The following GRM5 variants were observed in gnomAD, a reference collection of about 807,000 sequenced individuals.
The protein encoded by GRM5 is glutamate metabotropic receptor 5.
In GRM5, 19 loss-of-function variants were observed where a neutral mutation model predicts 83.1. That is an observed-to-expected ratio of 0.23 (90% CI 0.16 to 0.34). The LOEUF (loss-of-function observed/expected upper bound fraction) is 0.34. Among genes scored for constraint, GRM5 ranks in the 10% least tolerant of loss-of-function variants. GRM5 has a pLI of 1.00. For synonymous variants in GRM5, 675 were observed against 633.6 expected, an observed-to-expected ratio of 1.07 and a Z score of -0.98; for missense variants, 1,160 against 1,588.3, an observed-to-expected ratio of 0.73 and a Z score of 4.58.
chr11:88,685,812 G>A (rs1940608341), intron 3 of GRM5, among the ~76,000 whole-genome samples: 1 of 152,312 alleles, frequency 6.6e-6, no homozygotes, highest in Admixed American at 6.5e-5. Context: ...CAGAAGTCAA[G>A]AATTGGGGTT....
At chr11:88,777,937 G>A (rs1005527952) in intron 3 of GRM5, among the ~76,000 whole-genome samples, 1 of 152,316 alleles carries the variant, frequency 6.6e-6, no homozygotes, top group East Asian at 1.9e-4. Flanking sequence ...GAGGCAGTCT[G>A]TCCATTCTCA....
intron 4 of GRM5, 128 bp from the exon 5 acceptor site, chr11:88,605,092 T>A: frequency 1.4e-6 from 1 of 691,324 alleles, no homozygotes; most frequent in Admixed American, 2.4e-5. Flanking sequence ...GTTAGAACCA[T>A]GGGTAACACT....
chr11:88,768,088 TG>T (rs532182203), intron 3 of GRM5, among the ~76,000 whole-genome samples: 350 of 152,118 alleles, frequency 2.3e-3, no homozygotes, highest in African/African-American at 8.0e-3. Context: ...ATTTCACTTC[TG>T]GGTACATACC....
intron 3 of GRM5, among the ~76,000 whole-genome samples, chr11:88,750,246 G>A (rs1942240124): frequency 6.6e-6 from 1 of 151,928 alleles, no homozygotes; most frequent in South Asian, 2.1e-4. Flanking sequence ...GAGGAAAAGG[G>A]ATAGCAAGAA....
intron 2 of GRM5, among the ~76,000 whole-genome samples, chr11:89,034,630 T>G (rs1283145851): frequency 6.6e-6 from 1 of 151,872 alleles, no homozygotes; most frequent in Non-Finnish European, 1.5e-5. Context: ...ATTTGTAGAC[T>G]AATGAATAAA....
intron 8 of GRM5, among the ~76,000 whole-genome samples, chr11:88,535,524 G>A (rs1050139403): frequency 6.6e-6 from 1 of 152,178 alleles, no homozygotes; most frequent in African/African-American, 2.4e-5. Flanking sequence ...TTGAGCCATT[G>A]TGTCCTTTGA....
intron 2 of GRM5, among the ~76,000 whole-genome samples, chr11:88,873,068 C>T (rs1369794367): frequency 6.6e-6 from 1 of 151,536 alleles, no homozygotes; most frequent in Admixed American, 6.6e-5. Flanking sequence ...AGTAGCTATA[C>T]TTACATTAGG....
chr11:88,545,098 C>T (rs535416833), intron 8 of GRM5, among the ~76,000 whole-genome samples: 2 of 152,302 alleles, frequency 1.3e-5, no homozygotes, highest in African/African-American at 2.4e-5. Flanking sequence ...TCTATCTAAC[C>T]TGACTCATCT....
intron 2 of GRM5, among the ~76,000 whole-genome samples, chr11:88,920,229 A>C (rs1425428229): frequency 6.6e-6 from 1 of 152,008 alleles, no homozygotes; most frequent in African/African-American, 2.4e-5. Flanking sequence ...GATACCACAG[A>C]AATCCAAAGG....
intron 2 of GRM5, among the ~76,000 whole-genome samples, chr11:89,041,240 G>A (rs998063628): frequency 1.3e-5 from 2 of 152,200 alleles, no homozygotes; most frequent in African/African-American, 4.8e-5. Context: ...AACTGTGGAA[G>A]TGTCCACAAT....
rs138229979 is a variant in GRM5 at position 88,698,222 on chromosome 11, A to G, written c.912-44819T>C. Among the ~76,000 whole-genome samples, 6 of 152,232 alleles carry G rather than the reference A, an allele frequency of 3.9e-5. No homozygotes were observed. In the East Asian group the frequency reaches 1.2e-3, roughly 29 times the overall value. On this transcript the variant is annotated intron_variant, in intron 3 of 9. Coordinates refer to ENST00000305447, the MANE Select transcript of GRM5 (RefSeq NM_001143831.3). Reference sequence around the variant, plus strand: ...AGACAAAAGTCCTGAACATGACCCTATATGGTCGGGCCCTGCTTGTCCTGC... The same window carrying G: ...AGACAAAAGTCCTGAACATGACCCTGTATGGTCGGGCCCTGCTTGTCCTGC...
At chr11:88,879,459 C>A (rs1031799635) in intron 2 of GRM5, among the ~76,000 whole-genome samples, 1 of 151,340 alleles carries the variant, frequency 6.6e-6, no homozygotes, top group African/African-American at 2.4e-5. Context: ...TAAAAAATGG[C>A]AATGCTAGTA....
intron 3 of GRM5, among the ~76,000 whole-genome samples, chr11:88,675,658 G>T (rs1591432738): frequency 6.6e-6 from 1 of 152,128 alleles, no homozygotes; most frequent in South Asian, 2.1e-4. Context: ...AAAGTAGTGA[G>T]AGTAAGCTTT....
intron 3 of GRM5, among the ~76,000 whole-genome samples, chr11:88,847,412 G>A (rs926150727): frequency 2.6e-5 from 4 of 152,074 alleles, no homozygotes; most frequent in African/African-American, 4.8e-5. Context: ...ACAGTAATTG[G>A]CACAAAGTAT....
intron 3 of GRM5, among the ~76,000 whole-genome samples, chr11:88,739,314 C>T (rs1903845): frequency 0.33 from 50,259 of 151,872 alleles, 8,595 homozygotes; most frequent in African/African-American, 0.36. Flanking sequence ...CACCAGGGAA[C>T]ACCATTTCTA....
chr11:88,628,526 AG>A (rs2135267848), intron 4 of GRM5, among the ~76,000 whole-genome samples: 1 of 152,346 alleles, frequency 6.6e-6, no homozygotes, highest in African/African-American at 2.4e-5. Flanking sequence ...ATGTTTTCCA[AG>A]CAACAGCTCA....
At chr11:88,862,759 G>T (rs1009601888) in intron 2 of GRM5, among the ~76,000 whole-genome samples, 3 of 151,946 alleles carry the variant, frequency 2.0e-5, no homozygotes, top group Non-Finnish European at 4.4e-5. Context: ...CATCACCTAG[G>T]TATTAAGCCC....
chr11:88,854,579 TAA>T (rs1200737374), intron 2 of GRM5, among the ~76,000 whole-genome samples: 2 of 151,932 alleles, frequency 1.3e-5, no homozygotes, highest in African/African-American at 4.8e-5. Flanking sequence ...CAGGATTTGT[TAA>T]AGAGTAACTA....
chr11:88,754,142 A>G (rs1942346949), intron 3 of GRM5, among the ~76,000 whole-genome samples: 1 of 152,168 alleles, frequency 6.6e-6, no homozygotes, highest in South Asian at 2.1e-4. Context: ...AGGGACATGG[A>G]TGGATTTGGA....
Sources: allele counts gnomAD v4.1 joint callset (sites outside exome capture counted in the v4.1 genomes callset), GRCh38; gene constraint gnomAD v4.1.1; transcripts MANE v1.5; gene names NCBI Gene and HGNC (gene_info 2026-07-23, HGNC 2026-07-21).